The following PRIMPOL variants were observed in gnomAD, a reference collection of about 807,000 sequenced individuals.
PRIMPOL encodes DNA-directed primase/polymerase protein.
A neutral mutation model predicts 63.6 loss-of-function variants in PRIMPOL; 54 were observed. The observed-to-expected ratio is 0.85, with a 90% CI of 0.68 to 1.07. The LOEUF (loss-of-function observed/expected upper bound fraction) is 1.07, where lower values mean the gene tolerates loss of function less well. PRIMPOL is among the 50% of genes least tolerant of loss of function. The pLI, the probability that PRIMPOL is intolerant of heterozygous loss-of-function variation, is 0.00. For missense variants in PRIMPOL, 610 were observed against 648.3 expected (o/e 0.94, Z 0.64); for synonymous variants, 197 against 220.2 (o/e 0.89, Z 0.93).
chr4:184,661,921 G>C lies in PRIMPOL; in HGVS notation c.408+18G>C, dbSNP rs745915249. ...TCATTGAGGTAAATGGCCAACTCAA[G>C]TTTTTCTTATTTCTATCCATCTCTT... is the stretch of plus-strand genomic sequence containing the variant. On this transcript the variant is annotated intron_variant, in intron 5 of 13. Coordinates refer to ENST00000314970, the MANE Select transcript of PRIMPOL (RefSeq NM_152683.4). 6.7e-7 allele frequency: 1 copy of C among 1,497,838 alleles called. No homozygotes were observed. The allele number at this position is 1,497,838 out of a possible 1,614,324, so 92.8% of individuals were successfully genotyped here.
intron 11 of PRIMPOL, among the ~76,000 whole-genome samples, chr4:184,691,022 T>G (rs907434941): frequency 1.3e-5 from 2 of 152,224 alleles, no homozygotes; most frequent in Non-Finnish European, 2.9e-5. Context: ...AGCATGGAAT[T>G]GGTTTTATAA....
At chr4:184,660,181 T>C (rs796550317) in intron 4 of PRIMPOL, among the ~76,000 whole-genome samples, 10 of 152,060 alleles carry the variant, frequency 6.6e-5, no homozygotes, top group African/African-American at 2.4e-4. Context: ...TTCTTTCTTT[T>C]TTTTAATTTA....
At chr4:184,687,238 T>A (rs1420301763) in intron 11 of PRIMPOL, among the ~76,000 whole-genome samples, 1 of 152,126 alleles carries the variant, frequency 6.6e-6, no homozygotes, top group African/African-American at 2.4e-5. Context: ...GCCCGGTTAA[T>A]TTTTGTAATT....
At chr4:184,690,514 C>T (rs1401670437) in intron 11 of PRIMPOL, among the ~76,000 whole-genome samples, 1 of 152,132 alleles carries the variant, frequency 6.6e-6, no homozygotes, top group African/African-American at 2.4e-5. Flanking sequence ...GGCTGGAGAG[C>T]AGTGGCACCA....
rs750560442 is a variant in PRIMPOL, at chr4:184,685,516, C to G, written c.1186+18C>G. ...TAAAGGAGGTAAAGTTAATCTCATC[C>G]TTTGTTAACTGTTATATGATAGAGT... On this transcript the variant is annotated intron_variant, in intron 10 of 13. Transcript: ENST00000314970. The G allele has an allele frequency of 2.5e-6, 4 of 1,591,586 alleles. No homozygotes were observed. The South Asian group carries it at 3.3e-5, about 13-fold the overall frequency.
At chr4:184,684,346 C>T (rs972033966) in intron 9 of PRIMPOL, among the ~76,000 whole-genome samples, 1 of 152,080 alleles carries the variant, frequency 6.6e-6, no homozygotes, top group African/African-American at 2.4e-5. Context: ...ATCCCAGCTA[C>T]TCAGGAGGCT....
intron 7 of PRIMPOL, among the ~76,000 whole-genome samples, chr4:184,675,851 A>G (rs1047577401): frequency 6.6e-6 from 1 of 152,094 alleles, no homozygotes; most frequent in African/African-American, 2.4e-5. Context: ...AAAAACTCAC[A>G]TATAAGTGGT....
chr4:184,656,619 G>A (rs1424004567), intron 2 of PRIMPOL, among the ~76,000 whole-genome samples: 1 of 152,110 alleles, frequency 6.6e-6, no homozygotes, highest in Non-Finnish European at 1.5e-5. Flanking sequence ...GCTGTACATT[G>A]GTATCTAGAA....
intron 11 of PRIMPOL, among the ~76,000 whole-genome samples, chr4:184,690,121 C>T (rs562887391): frequency 6.6e-6 from 1 of 152,180 alleles, no homozygotes; most frequent in African/African-American, 2.4e-5. Context: ...CATCTTATTT[C>T]CTTTTCTGTA....
chr4:184,673,530 T>G (rs563141842), intron 7 of PRIMPOL, among the ~76,000 whole-genome samples: 1 of 151,118 alleles, frequency 6.6e-6, no homozygotes, highest in Non-Finnish European at 1.5e-5. Context: ...GTTCAAACGA[T>G]TCTCCTCCCT....
intron 13 of PRIMPOL, among the ~76,000 whole-genome samples, chr4:184,693,634 T>TAA (rs1201232481): frequency 2.6e-5 from 4 of 152,180 alleles, no homozygotes; most frequent in African/African-American, 9.7e-5. Context: ...AAATTTACTA[T>TAA]AAAGGCCTAA....
intron 11 of PRIMPOL, among the ~76,000 whole-genome samples, chr4:184,689,786 C>T (rs2696037): frequency 0.85 from 129,096 of 152,156 alleles, 54,878 homozygotes; most frequent in East Asian, 0.99. Context: ...TACAACCACA[C>T]CCCAAAGCCC....
At chr4:184,666,507 C>G (rs952534457) in intron 6 of PRIMPOL, among the ~76,000 whole-genome samples, 2 of 152,166 alleles carry the variant, frequency 1.3e-5, no homozygotes, top group African/African-American at 4.8e-5. Context: ...TCAAGATGTT[C>G]CCTTAGCTTT....
intron 3 of PRIMPOL, 158 bp downstream of exon 3, chr4:184,657,478 A>C: frequency 1.8e-6 from 1 of 563,700 alleles, no homozygotes; most frequent in Non-Finnish European, 3.0e-6. Context: ...GGCAATCTTA[A>C]TGGCATGTGA....
Position 184,672,324 on chromosome 4 carries a change from A to G in PRIMPOL, c.708A>G (p.Glu236=). Residue 236 remains glutamate (E), a synonymous_variant, in exon 7 of 14, where the codon GAA becomes GAG. Transcript: ENST00000314970. ...TTTCTTTCAATAAAATGTTCACAGA[A>G]AAGGCTACAGAGGAAAGCTGGACAT... ...QGFSFNKMFT[E]KATEESWTSN... The G allele has an allele frequency of 6.2e-7, 1 of 1,614,192 alleles. No individual in the cohort carries two copies. Among genetic ancestry groups the G allele is most frequent in the Non-Finnish European group, 8.5e-7 (1 of 1,180,036 alleles).
chr4:184,650,376 G>C (rs1743914456), intron 1 of PRIMPOL, among the ~76,000 whole-genome samples: 1 of 152,264 alleles, frequency 6.6e-6, no homozygotes, highest in African/African-American at 2.4e-5. Context: ...CGTCAATTAA[G>C]CCGGCTGTTG....
intron 7 of PRIMPOL, among the ~76,000 whole-genome samples, chr4:184,673,323 G>A (rs989942783): frequency 2.0e-5 from 3 of 151,518 alleles, no homozygotes; most frequent in East Asian, 1.9e-4. Flanking sequence ...TAGAGACGGG[G>A]TTTCACCGTG....
intron 5 of PRIMPOL, 120 bp from the exon 6 acceptor site, chr4:184,665,797 G>C: frequency 1.7e-6 from 1 of 600,516 alleles, no homozygotes. Context: ...GAGCCACCAC[G>C]CCTGATCAGA....
At chr4:184,667,011 C>T (rs1254221508) in intron 6 of PRIMPOL, among the ~76,000 whole-genome samples, 1 of 152,224 alleles carries the variant, frequency 6.6e-6, no homozygotes, top group African/African-American at 2.4e-5. Flanking sequence ...TTGACTGAAG[C>T]TCAGGTAACA....
Sources: gnomAD v4.1 joint callset for allele counts (sites outside exome capture counted in the v4.1 genomes callset) on GRCh38, gnomAD v4.1.1 for gene constraint, MANE v1.5 for transcripts, NCBI Gene and HGNC (gene_info 2026-07-23, HGNC 2026-07-21) for gene names.